Variants in PMP22 observed in about 807,000 individuals in gnomAD.
PMP22 encodes peripheral myelin protein 22, also known as Charcot-Marie-Tooth neuropathy 1A (greatly reduced nerve conduction velocity, hereditary motor sensory neuropathy Ia).
In PMP22, 2 loss-of-function variants were observed where a neutral mutation model predicts 18.9. The ratio of observed to expected loss-of-function variants is 0.11; its 90% CI spans 0.04 to 0.33. The LOEUF is 0.33. Ranked by LOEUF, PMP22 falls within the 10% of genes least tolerant of loss-of-function variation. The pLI is 1.00. For synonymous variants in PMP22, 95 were observed against 89.2 expected, an observed-to-expected ratio of 1.07 and a Z score of -0.37; for missense variants, 169 against 202.2, an observed-to-expected ratio of 0.84 and a Z score of 1.00.
At chr17:15,264,689 C>T (rs1334867858) in intron 1 of PMP22, among the ~76,000 whole-genome samples, 1 of 152,196 alleles carries the variant, frequency 6.6e-6, no homozygotes, top group African/African-American at 2.4e-5. Context: ...ACCCATCTGT[C>T]CCTCACTGCC....
intron 3 of PMP22, 86 bp downstream of exon 3, chr17:15,259,008 C>T (rs1909066717): frequency 3.0e-6 from 3 of 997,350 alleles, no homozygotes; most frequent in Middle Eastern, 2.4e-4. Context: ...TGGCTTGTGT[C>T]TTCCAATAAG....
intron 3 of PMP22, among the ~76,000 whole-genome samples, chr17:15,247,518 T>G (rs1473923433): frequency 6.6e-6 from 1 of 152,044 alleles, no homozygotes. Flanking sequence ...GAAGCTCGAG[T>G]TGCACAAAGA....
chr17:15,253,073 A>G (rs978385547), intron 3 of PMP22, among the ~76,000 whole-genome samples: 1 of 152,228 alleles, frequency 6.6e-6, no homozygotes, highest in Non-Finnish European at 1.5e-5. Flanking sequence ...GTTTTGCCTG[A>G]ATCCTTTGGG....
At chr17:15,237,632 A>C (rs1906922711) in intron 4 of PMP22, among the ~76,000 whole-genome samples, 1 of 152,238 alleles carries the variant, frequency 6.6e-6, no homozygotes, top group African/African-American at 2.4e-5. Flanking sequence ...TTCTGTCTTT[A>C]AAATATAAGA....
chr17:15,239,495 T>G lies in PMP22; in HGVS notation c.295A>C (p.Thr99Pro), dbSNP rs777109239. 6.2e-7 allele frequency: 1 copy of G among 1,614,018 alleles called. No individual in the cohort carries two copies. The highest frequency in any genetic ancestry group is 1.3e-5 in the African/African-American group (1 of 74,896). Residue 99 changes from threonine to proline, a missense_variant, in exon 4 of 5, where the codon ACT becomes CCT. Thr to Pro is a conservative substitution (Grantham distance 38). Coordinates refer to ENST00000312280, the MANE Select transcript of PMP22 (RefSeq NM_000304.4). ...TLTKGGRFYI[T>P]GIFQILAGLC... ...CCAGCAAGAATTTGGAAGATTCCAGTGATGTAAAACCTGCCCCCCTTGGTG... is the reference window on the plus strand; with the variant it reads ...CCAGCAAGAATTTGGAAGATTCCAGGGATGTAAAACCTGCCCCCCTTGGTG...
At chr17:15,238,133 C>T (rs148564058) in intron 4 of PMP22, among the ~76,000 whole-genome samples, 1 of 152,282 alleles carries the variant, frequency 6.6e-6, no homozygotes, top group African/African-American at 2.4e-5. Context: ...ACAGAGCCAG[C>T]AACCATCCAG....
intron 1 of PMP22, among the ~76,000 whole-genome samples, chr17:15,263,131 C>A (rs931938658): frequency 1.3e-5 from 2 of 152,190 alleles, no homozygotes; most frequent in Non-Finnish European, 2.9e-5. Context: ...CTAGGATTGG[C>A]GGGGATTGAT....
At chr17:15,245,299 G>A (rs114435039) in intron 3 of PMP22, among the ~76,000 whole-genome samples, 2 of 152,178 alleles carry the variant, frequency 1.3e-5, no homozygotes, top group Middle Eastern at 3.2e-3. Flanking sequence ...CGCAGTAAGA[G>A]ACAGCAGATA....
At chr17:15,260,038 A>G (rs1909180022) in intron 2 of PMP22, among the ~76,000 whole-genome samples, 1 of 152,154 alleles carries the variant, frequency 6.6e-6, no homozygotes, top group Admixed American at 6.5e-5. Context: ...CCACTGGAAA[A>G]CTGCCTGAAT....
In PMP22 at chr17:15,258,657, GCAGTGAGCTAGCCC is replaced by G. The variant is rs966686525; in HGVS notation, c.178+423_178+436del. On this transcript the variant is annotated intron_variant, in intron 3 of 4. Transcript: ENST00000312280. The surrounding 1 kb of genome is among the most constrained non-coding windows in gnomAD (Gnocchi z 4.1). ...GTCTTGTGTCCATGTAACTGACGGT[GCAGTGAGCTAGCCC>G]CACTGTCACTGCAGCAGAAAGGGGC... 7.4e-6 allele frequency: 2 copies of G among 268,746 alleles called. No individual in the cohort carries two copies. The highest frequency in any genetic ancestry group is 9.1e-5 in the Admixed American group (2 of 22,028). The allele number at this position is 268,746 out of a possible 1,614,324, so 16.6% of individuals were successfully genotyped here. A position where few individuals can be genotyped will look rare whatever the true frequency, so the allele number is the denominator to read the frequency against.
chr17:15,258,842 T>C lies in PMP22; in HGVS notation c.178+252A>G. The stretch of plus-strand genomic sequence containing the variant: ...TTTTCAATCACAAAAAGCATTATCC[T>C]AAGTGATCAGGAGGGCACTAAGGGC... On this transcript the variant is annotated intron_variant, in intron 3 of 4. Coordinates refer to ENST00000312280, the MANE Select transcript of PMP22 (RefSeq NM_000304.4). The surrounding 1 kb of genome is among the most constrained non-coding windows in gnomAD (Gnocchi z 4.1). 1.8e-6 allele frequency: 1 copy of C among 543,066 alleles called. No individual in the cohort carries two copies. Among genetic ancestry groups the C allele is most frequent in the Non-Finnish European group, 3.3e-6 (1 of 300,130 alleles). The allele number at this position is 543,066 out of a possible 1,614,324, so 33.6% of individuals were successfully genotyped here. A position where few individuals can be genotyped will look rare whatever the true frequency, so the allele number is the denominator to read the frequency against.
intron 3 of PMP22, among the ~76,000 whole-genome samples, chr17:15,243,463 A>G (rs1044425416): frequency 2.6e-5 from 4 of 151,854 alleles, no homozygotes; most frequent in African/African-American, 9.7e-5. Context: ...GATAAGAAAA[A>G]ATTTGAAGTA....
chr17:15,263,438 G>A (rs1348673537), intron 1 of PMP22, among the ~76,000 whole-genome samples: 5 of 152,136 alleles, frequency 3.3e-5, no homozygotes, highest in African/African-American at 9.7e-5. Context: ...AGGGAGAGAG[G>A]CTAGCCCCCT....
At chr17:15,254,554 T>A (rs922788317) in intron 3 of PMP22, among the ~76,000 whole-genome samples, 11 of 152,138 alleles carry the variant, frequency 7.2e-5, no homozygotes, top group Non-Finnish European at 1.3e-4. Flanking sequence ...ATAAGGACTG[T>A]CTCTGGCCTA....
At chr17:15,252,550 A>C (rs1908451136) in intron 3 of PMP22, among the ~76,000 whole-genome samples, 1 of 152,222 alleles carries the variant, frequency 6.6e-6, no homozygotes, top group Non-Finnish European at 1.5e-5. Flanking sequence ...GAGGGGCTGC[A>C]GGTACTGCCC....
intron 4 of PMP22, among the ~76,000 whole-genome samples, chr17:15,238,146 GC>G (rs1297289668): frequency 6.6e-6 from 1 of 152,188 alleles, no homozygotes; most frequent in Admixed American, 6.5e-5. Context: ...CCATCCAGGA[GC>G]TTGGCTTGGT....
intron 3 of PMP22, among the ~76,000 whole-genome samples, chr17:15,243,311 C>T (rs1907511593): frequency 6.6e-6 from 1 of 152,048 alleles, no homozygotes; most frequent in Admixed American, 6.5e-5. Flanking sequence ...TACTAAGTTC[C>T]TGGATAGAAA....
chr17:15,259,184 C>G lies in PMP22; in HGVS notation c.88G>C (p.Val30Leu), dbSNP rs377335295. 5.6e-6 allele frequency: 9 copies of G among 1,611,490 alleles called. No individual in the cohort carries two copies. The highest frequency in any genetic ancestry group is 7.6e-6 in the Non-Finnish European group (9 of 1,177,674). ...AGATCAGTTGCGTGTCCATTGCCCA[C>G]GATCCATTGCTAGAGAGAATCAGAT... ...FVSTIVSQWI[V>L]GNGHATDLWQ... The change falls in exon 3 of 5, where the codon GTG becomes CTG. Residue 30 changes from valine to leucine, a missense_variant. Physicochemically the swap from Val to Leu is conservative, Grantham distance 32. Transcript: ENST00000312280.
intron 3 of PMP22, among the ~76,000 whole-genome samples, chr17:15,242,034 T>C (rs535640828): frequency 1.3e-5 from 2 of 152,176 alleles, no homozygotes; most frequent in East Asian, 3.9e-4. Flanking sequence ...GGTAGATCAC[T>C]TGAGGCCAGG....
Sources: gnomAD v4.1 joint callset for allele counts (sites outside exome capture counted in the v4.1 genomes callset) on GRCh38, gnomAD v4.1.1 for gene constraint, Gnocchi (gnomAD v3.1) non-coding constraint, MANE v1.5 for transcripts, NCBI Gene and HGNC (gene_info 2026-07-23, HGNC 2026-07-21) for gene names.